The following MALRD1 variants were observed in gnomAD, a reference collection of about 807,000 sequenced individuals.
The protein encoded by MALRD1 is MAM and LDL receptor class A domain containing 1.
MALRD1 carries 247 observed loss-of-function variants against 242.1 expected under a neutral mutation model. That is an observed-to-expected ratio of 1.02 (90% CI 0.92 to 1.13). The LOEUF (loss-of-function observed/expected upper bound fraction) is 1.13, where lower values mean the gene tolerates loss of function less well. Among genes scored for constraint, MALRD1 ranks in the 50% most tolerant of loss-of-function variants. The pLI is 0.00. For missense variants in MALRD1, 2,989 were observed against 2,533.1 expected (o/e 1.18, Z -3.86); for synonymous variants, 995 against 866.6 (o/e 1.15, Z -2.60).
chr10:19,722,589 CTAAAAAAAAAA>C (rs1271493531), intron 38 of MALRD1: 3 of 7,552 alleles, frequency 4.0e-4, no homozygotes, highest in Non-Finnish European at 7.7e-4. Flanking sequence ...GACCATGTCT[CTAAAAAAAAAA>C]AAAAAAAAAA....
intron 38 of MALRD1, 45 bp from the exon 39 acceptor site, chr10:19,730,661 A>G: frequency 6.7e-7 from 1 of 1,502,536 alleles, no homozygotes; most frequent in Non-Finnish European, 9.0e-7. Context: ...GTACTATGGT[A>G]AATGTCAATA....
intron 11 of MALRD1, among the ~76,000 whole-genome samples, chr10:19,148,788 A>AAAAAAAAATATATATATAT (rs1206724666): frequency 1.1e-5 from 1 of 88,016 alleles, no homozygotes; most frequent in Non-Finnish European, 2.5e-5. Flanking sequence ...AAAAAAAAAA[A>AAAAAAAAATATATATATAT]ATATATATAT....
At chr10:19,530,363 A>T (rs1289055531) in intron 31 of MALRD1, among the ~76,000 whole-genome samples, 2 of 107,914 alleles carry the variant, frequency 1.9e-5, no homozygotes, top group Non-Finnish European at 1.6e-5. Flanking sequence ...TAATATTTAT[A>T]TAAATATTTA....
chr10:19,208,667 A>G (rs1040434439), intron 17 of MALRD1, among the ~76,000 whole-genome samples: 1 of 152,176 alleles, frequency 6.6e-6, no homozygotes, highest in Non-Finnish European at 1.5e-5. Flanking sequence ...CCTATATCTA[A>G]TAAGCTAGTA....
chr10:19,260,274 CAGACAGACAGATAGAT>C (rs1452024263), intron 19 of MALRD1, among the ~76,000 whole-genome samples: 4 of 146,700 alleles, frequency 2.7e-5, no homozygotes, highest in East Asian at 4.3e-4. Context: ...AAGACATAGA[CAGACAGACAGATAGAT>C]AGACAGACAG....
intron 18 of MALRD1, among the ~76,000 whole-genome samples, chr10:19,246,347 G>A (rs957683272): frequency 6.6e-6 from 1 of 152,014 alleles, no homozygotes; most frequent in African/African-American, 2.4e-5. Context: ...TACTTTCTGG[G>A]GATACTGTCC....
intron 32 of MALRD1, among the ~76,000 whole-genome samples, chr10:19,547,818 ATTTTT>A (rs869038128): frequency 5.5e-3 from 93 of 16,888 alleles, no homozygotes; most frequent in South Asian, 0.019. Flanking sequence ...ATATATATAT[ATTTTT>A]TTTTTTTTTT....
chr10:19,518,315 T>G (rs1295901996), intron 31 of MALRD1, among the ~76,000 whole-genome samples: 2 of 152,224 alleles, frequency 1.3e-5, no homozygotes, highest in Admixed American at 6.5e-5. Flanking sequence ...TCTGAATATA[T>G]CAGCAATTTC....
intron 14 of MALRD1, among the ~76,000 whole-genome samples, chr10:19,180,361 T>C (rs778776714): frequency 1.4e-4 from 21 of 152,202 alleles, no homozygotes; most frequent in Non-Finnish European, 2.5e-4. Context: ...GAAGAAAGTG[T>C]GATCATTTCC....
At chr10:19,698,626 C>A (rs1278603490) in intron 38 of MALRD1, among the ~76,000 whole-genome samples, 1 of 152,076 alleles carries the variant, frequency 6.6e-6, no homozygotes, top group East Asian at 1.9e-4. Context: ...CCAGCACTAC[C>A]CAAAACCAAT....
chr10:19,524,967 A>T lies in MALRD1; in HGVS notation c.5321-6227A>T, dbSNP rs988428818. ...TATCCAGGCTGAAGTGCAATGGCAT[A>T]ATCTCGGCTTACTGCAACCTCCCGC... On this transcript the variant is annotated intron_variant, in intron 31 of 39. Transcript: ENST00000454679. Among the ~76,000 whole-genome samples, 5 of 152,022 alleles carry T rather than the reference A, an allele frequency of 3.3e-5. 1 individual carries two copies. Among genetic ancestry groups the T allele is most frequent in the African/African-American group, 1.2e-4 (5 of 41,410 alleles).
chr10:19,562,952 G>A (rs1433158264), intron 32 of MALRD1, among the ~76,000 whole-genome samples: 1 of 152,098 alleles, frequency 6.6e-6, no homozygotes, highest in Non-Finnish European at 1.5e-5. Flanking sequence ...TCCATGAAAG[G>A]GTCCCTGGTG....
At chr10:19,190,388 A>G (rs2131583346) in intron 14 of MALRD1, among the ~76,000 whole-genome samples, 1 of 152,266 alleles carries the variant, frequency 6.6e-6, no homozygotes, top group Non-Finnish European at 1.5e-5. Context: ...AAAGTGATCT[A>G]CAGATTCGAT....
chr10:19,528,712 G>T (rs1425799918), intron 31 of MALRD1, among the ~76,000 whole-genome samples: 1 of 152,130 alleles, frequency 6.6e-6, no homozygotes, highest in African/African-American at 2.4e-5. Context: ...AAAAATAGAT[G>T]CAAGTTATTT....
At position 19,616,114 on chromosome 10, in the gene MALRD1, C is replaced by A. The variant is rs1469390410; in HGVS notation, c.6137+191C>A. Among the ~76,000 whole-genome samples, 3 of 151,720 alleles carry A rather than the reference C, an allele frequency of 2.0e-5. No homozygotes were observed. The South Asian group carries it at 6.2e-4, about 32-fold the overall frequency. ...ATGTGAGTGCATTTTAGAGAAATAT[C>A]TCTTTATTATGATTGTGCATGTTTT... is the stretch of plus-strand genomic sequence containing the variant. On this transcript the variant is annotated intron_variant, in intron 36 of 39. Transcript: ENST00000454679.
chr10:19,227,754 AACAAAAC>A (rs1837862757), intron 18 of MALRD1, among the ~76,000 whole-genome samples: 1 of 152,166 alleles, frequency 6.6e-6, no homozygotes, highest in Non-Finnish European at 1.5e-5. Flanking sequence ...AAAACTAAAT[AACAAAAC>A]ACAGATAACT....
upstream of MALRD1, among the ~76,000 whole-genome samples, chr10:19,047,993 A>G (rs1834380620): frequency 6.6e-6 from 1 of 152,210 alleles, no homozygotes; most frequent in South Asian, 2.1e-4. Flanking sequence ...TCAACATCAC[A>G]TAATTTCTAT....
intron 26 of MALRD1, among the ~76,000 whole-genome samples, chr10:19,358,978 A>T (rs970119665): frequency 2.0e-5 from 3 of 152,192 alleles, no homozygotes; most frequent in Admixed American, 1.3e-4. Context: ...GGTTTAACTG[A>T]TTATACATAA....
chr10:19,301,405 G>A (rs536111278), intron 21 of MALRD1, among the ~76,000 whole-genome samples: 80 of 151,892 alleles, frequency 5.3e-4, no homozygotes, highest in African/African-American at 1.9e-3. Flanking sequence ...AAAGACACAT[G>A]CACTACATGT....
Sources: gnomAD v4.1 joint callset for allele counts (sites outside exome capture counted in the v4.1 genomes callset) on GRCh38, gnomAD v4.1.1 for gene constraint, MANE v1.5 for transcripts, NCBI Gene and HGNC (gene_info 2026-07-23, HGNC 2026-07-21) for gene names.